Variants in CD2AP observed in about 807,000 individuals in gnomAD.
The protein encoded by CD2AP is CD2-associated protein.
In CD2AP, 46 loss-of-function variants were observed where a neutral mutation model predicts 85.1. The ratio of observed to expected loss-of-function variants is 0.54; its 90% CI spans 0.43 to 0.69. The LOEUF (loss-of-function observed/expected upper bound fraction) is 0.69. Among genes scored for constraint, CD2AP ranks in the 30% least tolerant of loss-of-function variants. CD2AP has a pLI of 0.00. For synonymous variants in CD2AP, 255 were observed against 252.9 expected (o/e 1.01, Z -0.08); for missense variants, 769 against 729.5 (o/e 1.05, Z -0.62).
At chr6:47,585,184 T>A (rs6940729) in intron 11 of CD2AP, among the ~76,000 whole-genome samples, 90,751 of 149,864 alleles carry the variant, frequency 0.61, 28,227 homozygotes, top group Middle Eastern at 0.75. Flanking sequence ...GCGCCTGTAG[T>A]CCCAGCTACT....
chr6:47,610,949 T>TTATATATATATATATATATA (rs10580325), intron 16 of CD2AP, among the ~76,000 whole-genome samples: 72 of 114,184 alleles, frequency 6.3e-4, no homozygotes, highest in Non-Finnish European at 9.2e-4. Context: ...TATTTCTGAT[T>TTATATATATATATATATATA]TATATATATA....
chr6:47,495,818 T>G (rs1039449771), intron 1 of CD2AP, among the ~76,000 whole-genome samples: 1 of 152,188 alleles, frequency 6.6e-6, no homozygotes, highest in Non-Finnish European at 1.5e-5. Flanking sequence ...CTCCCCACAA[T>G]TTTTGGCGTT....
At chr6:47,550,259 G>A (rs1250681572) in intron 4 of CD2AP, among the ~76,000 whole-genome samples, 1 of 152,130 alleles carries the variant, frequency 6.6e-6, no homozygotes, top group Non-Finnish European at 1.5e-5. Flanking sequence ...ACAGTCAGCA[G>A]AGTAAACAGA....
intron 5 of CD2AP, among the ~76,000 whole-genome samples, chr6:47,559,467 G>A (rs1172586763): frequency 6.6e-6 from 1 of 151,776 alleles, no homozygotes; most frequent in Admixed American, 6.6e-5. Context: ...TCACTATGTT[G>A]ACCAGACAGG....
intron 17 of CD2AP, among the ~76,000 whole-genome samples, chr6:47,618,665 G>A (rs1561835993): frequency 6.6e-6 from 1 of 152,232 alleles, no homozygotes; most frequent in East Asian, 1.9e-4. Flanking sequence ...ATATTCATAT[G>A]TGAAAATAAG....
intron 1 of CD2AP, among the ~76,000 whole-genome samples, chr6:47,482,297 C>T (rs980938239): frequency 6.6e-6 from 1 of 151,656 alleles, no homozygotes; most frequent in African/African-American, 2.4e-5. Flanking sequence ...TTTGTAAAAT[C>T]ACATTAAGGC....
chr6:47,611,539 T>C (rs1769441127), intron 16 of CD2AP, among the ~76,000 whole-genome samples: 1 of 151,932 alleles, frequency 6.6e-6, no homozygotes, highest in African/African-American at 2.4e-5. Flanking sequence ...TGCCAAGAAG[T>C]TAGTTTTGAA....
chr6:47,589,565 C>CACACAT (rs139814970), intron 11 of CD2AP, among the ~76,000 whole-genome samples: 2 of 120,942 alleles, frequency 1.7e-5, no homozygotes, highest in Non-Finnish European at 3.6e-5. Flanking sequence ...CACACACACA[C>CACACAT]ATATATATAT....
chr6:47,531,823 A>G lies in CD2AP; in HGVS notation c.166-1779A>G, dbSNP rs1183485404. On this transcript the variant is annotated intron_variant, in intron 2 of 17. Coordinates refer to ENST00000359314, the MANE Select transcript of CD2AP (RefSeq NM_012120.3). ...CGTGGTGGCTCACGCTTGTAATCCC[A>G]GCACTTTGGGAGGTCGAGGCAGGCA... 5.3e-5 allele frequency among the ~76,000 whole-genome samples: 8 copies of G among 152,214 alleles called. No individual in the cohort carries two copies. In the East Asian group the frequency reaches 1.6e-3, roughly 30 times the overall value.
At chr6:47,570,045 A>C (rs1768108134) in intron 5 of CD2AP, among the ~76,000 whole-genome samples, 1 of 152,172 alleles carries the variant, frequency 6.6e-6, no homozygotes, top group South Asian at 2.1e-4. Flanking sequence ...CACCTGCATG[A>C]TCGACTTACA....
intron 1 of CD2AP, 105 bp from the exon 2 acceptor site, chr6:47,503,175 T>A: frequency 9.1e-7 from 1 of 1,101,382 alleles, no homozygotes; most frequent in Non-Finnish European, 1.3e-6. Flanking sequence ...TTTGTGGTAT[T>A]AAATATTGTT....
intron 11 of CD2AP, among the ~76,000 whole-genome samples, chr6:47,594,130 T>TA (rs1768873129): frequency 1.3e-5 from 2 of 152,184 alleles, no homozygotes; most frequent in East Asian, 3.9e-4. Context: ...TGCCAGGGGT[T>TA]AACTAATTAA....
chr6:47,561,689 G>A (rs1767865699), intron 5 of CD2AP, among the ~76,000 whole-genome samples: 1 of 152,010 alleles, frequency 6.6e-6, no homozygotes, highest in Admixed American at 6.6e-5. Flanking sequence ...AATACCAGAA[G>A]GTATATTTTC....
At chr6:47,512,650 C>T (rs1162991340) in intron 2 of CD2AP, among the ~76,000 whole-genome samples, 1 of 152,212 alleles carries the variant, frequency 6.6e-6, no homozygotes, top group Non-Finnish European at 1.5e-5. Flanking sequence ...ATATTGAACA[C>T]AAGGATCTAT....
At chr6:47,491,945 G>C (rs957101392) in intron 1 of CD2AP, among the ~76,000 whole-genome samples, 3 of 152,040 alleles carry the variant, frequency 2.0e-5, no homozygotes, top group African/African-American at 4.8e-5. Flanking sequence ...AGAGTTTGCT[G>C]TACTTCATTT....
At chr6:47,557,323 A>T (rs1767725327) in intron 5 of CD2AP, among the ~76,000 whole-genome samples, 1 of 151,980 alleles carries the variant, frequency 6.6e-6, no homozygotes, top group South Asian at 2.1e-4. Context: ...GAAGCTCTTT[A>T]GTTTAATTAG....
chr6:47,486,365 G>A (rs1040755956), intron 1 of CD2AP, among the ~76,000 whole-genome samples: 4 of 152,126 alleles, frequency 2.6e-5, no homozygotes, highest in African/African-American at 9.7e-5. Context: ...TGGCTTATGT[G>A]ATAGGAATAA....
intron 4 of CD2AP, among the ~76,000 whole-genome samples, chr6:47,553,513 ATTTTTTTTT>A (rs148273065): frequency 3.6e-5 from 4 of 110,506 alleles, no homozygotes; most frequent in African/African-American, 1.5e-4. Flanking sequence ...CACCTAGTGA[ATTTTTTTTT>A]TTTTTTTTTT....
At chr6:47,533,889 T>A in intron 3 of CD2AP, 134 bp downstream of exon 3, 1 of 809,280 alleles carries the variant, frequency 1.2e-6, no homozygotes, top group Non-Finnish European at 2.0e-6. Flanking sequence ...CTCATGTTAC[T>A]AGTTATTGCC....
Sources: allele counts gnomAD v4.1 joint callset (sites outside exome capture counted in the v4.1 genomes callset), GRCh38; gene constraint gnomAD v4.1.1; transcripts MANE v1.5; gene names NCBI Gene and HGNC (gene_info 2026-07-23, HGNC 2026-07-21).